DLEU7: variants seen among roughly 807,000 people sequenced by gnomAD.
DLEU7 encodes the protein leukemia-associated protein 7.
Under a neutral mutation model 16.0 loss-of-function variants are expected in DLEU7, and 17 were observed. The observed-to-expected ratio is 1.06, with a 90% CI of 0.73 to 1.59. DLEU7 has a LOEUF of 1.59. Among genes scored for constraint, DLEU7 ranks in the 40% most tolerant of loss-of-function variants. The pLI is 0.00. For synonymous variants in DLEU7, 113 were observed against 139.8 expected, an observed-to-expected ratio of 0.81 and a Z score of 1.35; for missense variants, 308 against 314.9, an observed-to-expected ratio of 0.98 and a Z score of 0.17.
intron 1 of DLEU7, among the ~76,000 whole-genome samples, chr13:50,751,411 C>T (rs189714797): frequency 1.2e-4 from 19 of 152,110 alleles, no homozygotes; most frequent in South Asian, 6.2e-4. Context: ...TATGTCCTTT[C>T]CTGGTTTTGG....
chr13:50,742,147 G>A (rs1874267738), intron 1 of DLEU7, among the ~76,000 whole-genome samples: 2 of 152,084 alleles, frequency 1.3e-5, no homozygotes, highest in Non-Finnish European at 2.9e-5. Context: ...CTGTAAGATT[G>A]ACAGGGAAGT....
intron 1 of DLEU7, among the ~76,000 whole-genome samples, chr13:50,742,242 G>A (rs1874270530): frequency 6.6e-6 from 1 of 152,056 alleles, no homozygotes; most frequent in Admixed American, 6.6e-5. Context: ...TGAAAAAAAG[G>A]AATGCAATCA....
chr13:50,808,596 T>C (rs1876467845), intron 1 of DLEU7: 1 of 152,158 alleles, frequency 6.6e-6, no homozygotes, highest in Non-Finnish European at 1.5e-5. Context: ...AATAAATAGA[T>C]AGAAGGAAGA....
intron 1 of DLEU7, among the ~76,000 whole-genome samples, chr13:50,760,182 A>G (rs879245615): frequency 2.0e-5 from 3 of 152,194 alleles, no homozygotes; most frequent in Admixed American, 6.5e-5. Context: ...TATAAATCCT[A>G]TTTTACTTGT....
intron 1 of DLEU7, among the ~76,000 whole-genome samples, chr13:50,730,519 A>T (rs1566231810): frequency 6.6e-6 from 1 of 152,138 alleles, no homozygotes; most frequent in Non-Finnish European, 1.5e-5. Context: ...ATATAAGATA[A>T]GTGAACTCAG....
chr13:50,841,815 TA>T (rs1354827468), intron 1 of DLEU7, among the ~76,000 whole-genome samples: 1 of 151,544 alleles, frequency 6.6e-6, no homozygotes, highest in African/African-American at 2.4e-5. Context: ...ATGACAGGAT[TA>T]AAAAAAATTT....
Position 50,767,256 on chromosome 13 carries a change from C to T in DLEU7, c.460-54016G>A, listed in dbSNP as rs545649471. On this transcript the variant is annotated intron_variant, in intron 1 of 1. Coordinates refer to the DLEU7 transcript ENST00000400393. ...AGATCATGAGGTCAGGAGATCGAGACCATCCTGGCTAACACAGTGAAACCC... is the reference window on the plus strand; with the variant it reads ...AGATCATGAGGTCAGGAGATCGAGATCATCCTGGCTAACACAGTGAAACCC... Among the ~76,000 whole-genome samples the T allele has an allele frequency of 2.0e-5, 3 of 152,102 alleles. No homozygotes were observed. The South Asian group carries it at 6.2e-4, about 32-fold the overall frequency.
At chr13:50,808,925 A>G (rs898224545) in intron 1 of DLEU7, among the ~76,000 whole-genome samples, 21 of 152,158 alleles carry the variant, frequency 1.4e-4, no homozygotes, top group African/African-American at 4.6e-4. Context: ...GAAATTAAAA[A>G]GCCACAGAGA....
rs181844570 is a variant in DLEU7, at chr13:50,766,806, C to A, written c.460-53566G>T. Among the ~76,000 whole-genome samples the A allele has an allele frequency of 2.4e-3, 361 of 152,022 alleles. 3 individuals carry two copies. The highest frequency in any genetic ancestry group is 4.0e-3 in the Non-Finnish European group (275 of 67,956). On this transcript the variant is annotated intron_variant, in intron 1 of 1. Transcript: ENST00000400393. The stretch of plus-strand genomic sequence containing the variant: ...TCGACACACTTGACATCCCACCCCC[C>A]ACGCCCCACCCCTGCCAGTGATTCT...
chr13:50,755,263 C>T (rs1874719548), intron 1 of DLEU7, among the ~76,000 whole-genome samples: 1 of 152,160 alleles, frequency 6.6e-6, no homozygotes, highest in East Asian at 1.9e-4. Context: ...AAGTTTTACT[C>T]TATTATTCCC....
At chr13:50,712,650 G>A (rs1447864401) in exon 2 of DLEU7, 1 of 152,726 alleles carries the variant, frequency 6.5e-6, no homozygotes, top group East Asian at 1.9e-4. Flanking sequence ...TTGCACTGAA[G>A]AACTTTGTGT....
At chr13:50,750,744 G>C (rs967202196) in intron 1 of DLEU7, among the ~76,000 whole-genome samples, 2 of 152,048 alleles carry the variant, frequency 1.3e-5, no homozygotes, top group Admixed American at 6.6e-5. Flanking sequence ...TTCTCTTCTT[G>C]GTAACTGTGG....
intron 1 of DLEU7, among the ~76,000 whole-genome samples, chr13:50,776,686 C>A (rs1875506809): frequency 6.6e-6 from 1 of 152,142 alleles, no homozygotes; most frequent in South Asian, 2.1e-4. Context: ...ATAGGGTCAC[C>A]ACTTCAGGGC....
chr13:50,756,969 C>T lies in DLEU7; in HGVS notation c.460-43729G>A, dbSNP rs527298523. On this transcript the variant is annotated intron_variant, in intron 1 of 1. Coordinates refer to the DLEU7 transcript ENST00000400393. Reference sequence around the variant, plus strand: ...TCCAGGTAAGGTTGGAAACTTCTCCCGCAAATTAAGCCTTCTTTTATTTAC... The same window carrying T: ...TCCAGGTAAGGTTGGAAACTTCTCCTGCAAATTAAGCCTTCTTTTATTTAC... 3.3e-5 allele frequency among the ~76,000 whole-genome samples: 5 copies of T among 152,280 alleles called. No individual in the cohort carries two copies. In the East Asian group the frequency reaches 7.7e-4, roughly 24 times the overall value.
At chr13:50,839,690 CA>C (rs1385562878) in intron 1 of DLEU7, among the ~76,000 whole-genome samples, 1 of 152,148 alleles carries the variant, frequency 6.6e-6, no homozygotes, top group African/African-American at 2.4e-5. Context: ...TCCAGAAAAG[CA>C]GACACAGAGT....
intron 1 of DLEU7, among the ~76,000 whole-genome samples, chr13:50,750,587 T>G (rs531007010): frequency 6.6e-6 from 1 of 152,344 alleles, no homozygotes; most frequent in South Asian, 2.1e-4. Context: ...TGTTCTCATT[T>G]GTGTTATCTA....
chr13:50,801,281 C>CA (rs1288989569), intron 1 of DLEU7, among the ~76,000 whole-genome samples: 1 of 152,084 alleles, frequency 6.6e-6, no homozygotes, highest in Non-Finnish European at 1.5e-5. Context: ...TGCATAACTA[C>CA]ACCGTCACCC....
chr13:50,829,013 C>T (rs1234001940), intron 1 of DLEU7, among the ~76,000 whole-genome samples: 1 of 152,170 alleles, frequency 6.6e-6, no homozygotes, highest in East Asian at 1.9e-4. Flanking sequence ...CTCAAGATGG[C>T]ATTGAATGCA....
chr13:50,716,782 G>A (rs1873450190), intron 1 of DLEU7, among the ~76,000 whole-genome samples: 1 of 152,176 alleles, frequency 6.6e-6, no homozygotes, highest in African/African-American at 2.4e-5. Flanking sequence ...TATATATTCT[G>A]TAACAGGTTG....
Sources: allele counts gnomAD v4.1 joint callset (sites outside exome capture counted in the v4.1 genomes callset), GRCh38; gene constraint gnomAD v4.1.1; transcripts MANE v1.5; gene names NCBI Gene and HGNC (gene_info 2026-07-23, HGNC 2026-07-21).